Variants in SRP9 observed in about 807,000 individuals in gnomAD.
SRP9 encodes signal recognition particle 9.
A neutral mutation model predicts 11.7 loss-of-function variants in SRP9; 2 were observed. The observed-to-expected ratio is 0.17, with a 90% confidence interval of 0.07 to 0.54. The LOEUF (loss-of-function observed/expected upper bound fraction) is 0.54. SRP9 is among the 20% of genes least tolerant of loss of function. The probability of loss-of-function intolerance (pLI) is 0.94; values close to 1 mark genes in which losing one functional copy is unlikely to be tolerated. For missense variants in SRP9, 54 were observed against 108.1 expected (o/e 0.50, Z 2.22); for synonymous variants, 27 against 35.6 (o/e 0.76, Z 0.86).
chr1:225,789,464 C>G lies in SRP9; in HGVS notation c.*105C>G. On this transcript the variant is annotated 3_prime_UTR_variant, in exon 3 of 3. Coordinates refer to ENST00000304786, the MANE Select transcript of SRP9 (RefSeq NM_003133.6). ...ACTTTATGTAACTAAGTGGGCTGTT[C>G]AGAAGCTTAGAGGTCATTTTTTGTA... 4.3e-6 allele frequency: 6 copies of G among 1,388,024 alleles called. No individual in the cohort carries two copies. Among genetic ancestry groups the G allele is most frequent in the South Asian group, 2.9e-5 (2 of 67,800 alleles). The allele number at this position is 1,388,024 out of a possible 1,614,324, so 86.0% of individuals were successfully genotyped here.
intron 2 of SRP9, chr1:225,786,766 G>T (rs1016286403): frequency 1.1e-5 from 13 of 1,186,520 alleles, no homozygotes; most frequent in Admixed American, 3.4e-5. Context: ...AAAAATATAT[G>T]AAAGTATCTA....
intron 2 of SRP9, among the ~76,000 whole-genome samples, chr1:225,785,899 T>C (rs1221232685): frequency 6.6e-6 from 1 of 152,068 alleles, no homozygotes; most frequent in East Asian, 1.9e-4. Context: ...CCCAGGCGGC[T>C]GGAGTTGAAC....
rs527882745 is a variant in SRP9, at chr1:225,787,356, A to T, written c.142-1884A>T. 1.3e-3 allele frequency among the ~76,000 whole-genome samples: 200 copies of T among 152,196 alleles called. 4 individuals carry two copies. Among genetic ancestry groups the T allele is most frequent in the Non-Finnish European group, 1.6e-3 (112 of 68,004 alleles). Reference sequence around the variant, plus strand: ...GAGACCAGCCTGACCAACACAGTGAAACCCCGTCTCTACTAAAAATACAAA... The same window carrying T: ...GAGACCAGCCTGACCAACACAGTGATACCCCGTCTCTACTAAAAATACAAA... On this transcript the variant is annotated intron_variant, in intron 2 of 2. Transcript: ENST00000304786.
At chr1:225,782,522 A>G (rs552961200) in intron 1 of SRP9, among the ~76,000 whole-genome samples, 4 of 152,300 alleles carry the variant, frequency 2.6e-5, no homozygotes, top group African/African-American at 9.6e-5. Context: ...CTGGTTAGGG[A>G]AAAACTGCGA....
chr1:225,784,050 C>T (rs886511346), intron 2 of SRP9, among the ~76,000 whole-genome samples: 6 of 151,482 alleles, frequency 4.0e-5, no homozygotes, highest in African/African-American at 1.5e-4. Flanking sequence ...GGATTCTGTC[C>T]TTGATTGTCT....
intron 2 of SRP9, among the ~76,000 whole-genome samples, chr1:225,788,472 A>AT: frequency 6.9e-6 from 1 of 144,790 alleles, no homozygotes; most frequent in East Asian, 2.2e-4. Flanking sequence ...GCTGGAGTGC[A>AT]GTGGCATGAT....
chr1:225,783,035 T>C (rs1360269987), intron 1 of SRP9, among the ~76,000 whole-genome samples: 2 of 152,246 alleles, frequency 1.3e-5, no homozygotes, highest in African/African-American at 4.8e-5. Context: ...TGGATGTGTT[T>C]TGAGAATGTT....
rs1210735715 is a variant in SRP9, at chr1:225,789,200, G to T, written c.142-40G>T. ...ATGTTTTCTACATTGTCAGTATCTA[G>T]TTTTATATAGTTAATATGTACTTCT... On this transcript the variant is annotated intron_variant, in intron 2 of 2. Coordinates refer to ENST00000304786, the MANE Select transcript of SRP9 (RefSeq NM_003133.6). The T allele has an allele frequency of 5.0e-6, 8 of 1,589,910 alleles. No homozygotes were observed. The East Asian group carries it at 1.8e-4, about 37-fold the overall frequency.
chr1:225,790,314 A>T lies in SRP9; in HGVS notation c.*955A>T, dbSNP rs1666003608. ...ATTTCACCACCTAAATGTAATGTTG[A>T]TTCCTCAAGAATGAAATGAAGGCAC... On this transcript the variant is annotated 3_prime_UTR_variant, in exon 3 of 3. Transcript: ENST00000304786. The T allele has an allele frequency of 6.6e-6, 1 of 152,250 alleles. No homozygotes were observed. The highest frequency in any genetic ancestry group is 2.4e-5 in the African/African-American group (1 of 41,480). 9.4% of individuals were successfully genotyped at this position (152,250 alleles called of 1,614,324 possible). A position where few individuals can be genotyped will look rare whatever the true frequency, so the allele number is the denominator to read the frequency against.
At chr1:225,787,029 A>G (rs897125653) in intron 2 of SRP9, 12 of 330,462 alleles carry the variant, frequency 3.6e-5, no homozygotes, top group Non-Finnish European at 5.3e-5. Flanking sequence ...TTTTTTGTCA[A>G]GACAGGGTCT....
chr1:225,789,284 T>G lies in SRP9; in HGVS notation c.186T>G (p.Ile62Met). 6.2e-7 allele frequency: 1 copy of G among 1,609,466 alleles called. No homozygotes were observed. Among genetic ancestry groups the G allele is most frequent in the Non-Finnish European group, 8.5e-7 (1 of 1,178,682 alleles). ...KTDQAQDVKK[I>M]EKFHSQLMRL... ...ACCAAGCTCAAGATGTAAAGAAGAT[T>G]GAGAAATTCCACAGTCAACTAATGC... The change falls in exon 3 of 3, where the codon ATT becomes ATG. Residue 62 changes from isoleucine to methionine, a missense_variant. Ile to Met is a conservative substitution (Grantham distance 10, BLOSUM62 1). Coordinates refer to ENST00000304786, the MANE Select transcript of SRP9 (RefSeq NM_003133.6).
chr1:225,784,694 T>G (rs1665864394), intron 2 of SRP9, among the ~76,000 whole-genome samples: 1 of 151,658 alleles, frequency 6.6e-6, no homozygotes, highest in South Asian at 2.1e-4. Context: ...ACAAAAAAAT[T>G]AGCCAGGCAT....
Position 225,778,032 on chromosome 1 carries a change from G to T in SRP9, c.72+20G>T, listed in dbSNP as rs1418351744. On this transcript the variant is annotated intron_variant, in intron 1 of 2. Transcript: ENST00000304786. ...ATGAAGGTAAATCGCTGGCGGGGCC[G>T]CTGCTTTGGGCCCCAGCCCAGGATG... The T allele has an allele frequency of 6.2e-7, 1 of 1,613,582 alleles. No individual in the cohort carries two copies. Among genetic ancestry groups the T allele is most frequent in the Middle Eastern group, 1.6e-4 (1 of 6,062 alleles).
chr1:225,788,636 G>A (rs977375300), intron 2 of SRP9, among the ~76,000 whole-genome samples: 28 of 152,096 alleles, frequency 1.8e-4, no homozygotes, highest in Middle Eastern at 3.4e-3. Flanking sequence ...GGCTGGTTTC[G>A]AACTGCTGAC....
chr1:225,786,004 G>A (rs150458023), intron 2 of SRP9, among the ~76,000 whole-genome samples: 346 of 152,292 alleles, frequency 2.3e-3, no homozygotes, highest in African/African-American at 8.1e-3. Flanking sequence ...ATTTCTGAAA[G>A]GCTAATTTGA....
chr1:225,784,819 G>A (rs1190791839), intron 2 of SRP9, among the ~76,000 whole-genome samples: 1 of 151,936 alleles, frequency 6.6e-6, no homozygotes, highest in African/African-American at 2.4e-5. Context: ...TCCAGCCTGG[G>A]TGACACAGCA....
chr1:225,783,161 T>G, intron 1 of SRP9, 139 bp from the exon 2 acceptor site: 1 of 569,008 alleles, frequency 1.8e-6, no homozygotes, highest in Non-Finnish European at 3.0e-6. Context: ...TCATTTCGGT[T>G]TAGTTTATAG....
chr1:225,789,208 T>C, intron 2 of SRP9, 32 bp from the exon 3 acceptor site: 1 of 1,598,054 alleles, frequency 6.3e-7, no homozygotes, highest in Non-Finnish European at 8.5e-7. Context: ...TAGTTTTATA[T>C]AGTTAATATG....
At chr1:225,784,796 C>T (rs949648501) in intron 2 of SRP9, among the ~76,000 whole-genome samples, 3 of 151,682 alleles carry the variant, frequency 2.0e-5, no homozygotes, top group East Asian at 2.0e-4. Flanking sequence ...GAGCAGAGAT[C>T]GTGCCACTGC....
Sources: allele counts gnomAD v4.1 joint callset (sites outside exome capture counted in the v4.1 genomes callset), GRCh38; gene constraint gnomAD v4.1.1; transcripts MANE v1.5; gene names NCBI Gene and HGNC (gene_info 2026-07-23, HGNC 2026-07-21).